The following PPARA variants were observed in gnomAD, a reference collection of about 807,000 sequenced individuals.
PPARA encodes the protein peroxisome proliferator activated receptor alpha.
A neutral mutation model predicts 42.2 loss-of-function variants in PPARA; 22 were observed. That is an observed-to-expected ratio of 0.52 (90% CI 0.37 to 0.74). The LOEUF is 0.74. Among genes scored for constraint, PPARA ranks in the 30% least tolerant of loss-of-function variants. The pLI is 0.00. For missense variants in PPARA, 465 were observed against 608.2 expected, an observed-to-expected ratio of 0.76 and a Z score of 2.48; for synonymous variants, 242 against 239.3, an observed-to-expected ratio of 1.01 and a Z score of -0.10.
rs1390206674 is a variant in PPARA, at chr22:46,222,903, T to C, written c.711+2889T>C. ...AGCTGGGCATGGTGGCATGTGCCTG[T>C]GGTCCCAGGTACTTGGGAAGCTGAG... On this transcript the variant is annotated intron_variant, in intron 7 of 8. Coordinates refer to ENST00000407236, the MANE Select transcript of PPARA (RefSeq NM_005036.6). This position sits in a 1 kb window ranked among gnomAD's most constrained non-coding sequence, Gnocchi z 5.9. Among the ~76,000 whole-genome samples the C allele has an allele frequency of 6.6e-6, 1 of 152,210 alleles. No homozygotes were observed. The highest frequency in any genetic ancestry group is 1.5e-5 in the Non-Finnish European group (1 of 68,030).
chr22:46,227,528 G>A lies in PPARA; in HGVS notation c.712-4264G>A, dbSNP rs150839845. Among the ~76,000 whole-genome samples the A allele has an allele frequency of 6.6e-6, 1 of 152,242 alleles. No individual in the cohort carries two copies. Among genetic ancestry groups the A allele is most frequent in the African/African-American group, 2.4e-5 (1 of 41,550 alleles). ...TGGCCTCCCAAAGTGCTGGCATTGC[G>A]GGCATGAGCTACTGCGCCTGGTCCA... is the stretch of plus-strand genomic sequence containing the variant. On this transcript the variant is annotated intron_variant, in intron 7 of 8. Transcript: ENST00000407236. This position sits in a 1 kb window ranked among gnomAD's most constrained non-coding sequence, Gnocchi z 4.3.
chr22:46,230,193 G>A lies in PPARA; in HGVS notation c.712-1599G>A, dbSNP rs11090817. Among the ~76,000 whole-genome samples the A allele has an allele frequency of 0.087, 13,300 of 152,226 alleles. 1,951 individuals are homozygous for A. Among genetic ancestry groups the A allele is most frequent in the African/African-American group, 0.3 (12,527 of 41,510 alleles). ...GCGACACCAGCCTGACCAACATGGT[G>A]TAACCCCGTCTCTACTAAAAATACA... On this transcript the variant is annotated intron_variant, in intron 7 of 8. Transcript: ENST00000407236. The surrounding 1 kb of genome is among the most constrained non-coding windows in gnomAD (Gnocchi z 5.0).
In PPARA at chr22:46,205,508, C is replaced by T. The variant is rs190225665; in HGVS notation, c.208+6917C>T. Among the ~76,000 whole-genome samples, 411 of 118,716 alleles carry T rather than the reference C, an allele frequency of 3.5e-3. 5 individuals carry two copies. Among genetic ancestry groups the T allele is most frequent in the African/African-American group, 0.012 (380 of 31,180 alleles). 77.9% of individuals were successfully genotyped at this position (118,716 alleles called of 152,430 possible). On this transcript the variant is annotated intron_variant, in intron 4 of 8. Transcript: ENST00000407236. The stretch of plus-strand genomic sequence containing the variant: ...GTGTTGGGATTACAGGCGTGAGCCA[C>T]CATGCCCAGCCATATATATATATAT...
Position 46,187,306 on chromosome 22 carries a change from A to G in PPARA, c.-43+10470A>G, listed in dbSNP as rs991995712. Among the ~76,000 whole-genome samples, 3 of 152,196 alleles carry G rather than the reference A, an allele frequency of 2.0e-5. No homozygotes were observed. The highest frequency in any genetic ancestry group is 4.4e-5 in the Non-Finnish European group (3 of 68,032). ...CTCATGCCTGTAATCCCTTCTCTCC[A>G]TGCTCAAAACCTGCCCTCCTTGTCT... On this transcript the variant is annotated intron_variant, in intron 3 of 8. Coordinates refer to ENST00000407236, the MANE Select transcript of PPARA (RefSeq NM_005036.6). The surrounding 1 kb of genome is among the most constrained non-coding windows in gnomAD (Gnocchi z 4.9).
At chr22:46,185,321 C>G (rs2147284754) in intron 3 of PPARA, among the ~76,000 whole-genome samples, 1 of 152,316 alleles carries the variant, frequency 6.6e-6, no homozygotes, top group East Asian at 1.9e-4. Context: ...TGATAGCATA[C>G]TCTTCCTTTT....
At chr22:46,189,246 A>G (rs1247118744) in intron 3 of PPARA, among the ~76,000 whole-genome samples, 1 of 152,246 alleles carries the variant, frequency 6.6e-6, no homozygotes, top group Admixed American at 6.5e-5. Context: ...AATAACTACA[A>G]ACTTTCTGAA....
At chr22:46,206,115 T>C (rs1488072647) in intron 4 of PPARA, among the ~76,000 whole-genome samples, 1 of 152,190 alleles carries the variant, frequency 6.6e-6, no homozygotes, top group Non-Finnish European at 1.5e-5. Flanking sequence ...TTTAATTTTG[T>C]TTTTTGAGAC....
chr22:46,214,421 C>A (rs1030159162), intron 4 of PPARA, among the ~76,000 whole-genome samples: 1 of 149,332 alleles, frequency 6.7e-6, no homozygotes, highest in African/African-American at 2.5e-5. Flanking sequence ...ATGTGCGGAT[C>A]GGAGATGTGG....
At position 46,188,352 on chromosome 22, in the gene PPARA, C is replaced by T. The variant is rs1317577229; in HGVS notation, c.-42-9990C>T. ...ATATGCAGATATGCTGTTCCCTTTT[C>T]CTTGAAATGGCCCTTACCCTCCTTT... On this transcript the variant is annotated intron_variant, in intron 3 of 8. Transcript: ENST00000407236. This position sits in a 1 kb window ranked among gnomAD's most constrained non-coding sequence, Gnocchi z 5.0. Among the ~76,000 whole-genome samples, 1 of 152,192 alleles carries T rather than the reference C, an allele frequency of 6.6e-6. No homozygotes were observed. The highest frequency in any genetic ancestry group is 1.5e-5 in the Non-Finnish European group (1 of 68,030).
At chr22:46,202,676 A>G (rs1932900209) in intron 4 of PPARA, among the ~76,000 whole-genome samples, 2 of 151,736 alleles carry the variant, frequency 1.3e-5, no homozygotes, top group South Asian at 2.1e-4. Flanking sequence ...TTTTTTATTT[A>G]TTTTTTGAGA....
Position 46,234,159 on chromosome 22 carries a change from C to G in PPARA, c.1160-974C>G, listed in dbSNP as rs1186229888. On this transcript the variant is annotated intron_variant, in intron 8 of 8. Transcript: ENST00000407236. The surrounding 1 kb of genome is among the most constrained non-coding windows in gnomAD (Gnocchi z 5.8). ...TCTTTAGAGACTTAATAGTTATAGC[C>G]CCAGCCACTCTGGAGGCCGAGGCAG... 1.3e-5 allele frequency among the ~76,000 whole-genome samples: 2 copies of G among 152,014 alleles called. No homozygotes were observed. Among genetic ancestry groups the G allele is most frequent in the Non-Finnish European group, 2.9e-5 (2 of 67,994 alleles).
chr22:46,228,652 C>G (rs1458002379), intron 7 of PPARA, among the ~76,000 whole-genome samples: 1 of 152,324 alleles, frequency 6.6e-6, no homozygotes, highest in East Asian at 1.9e-4. Flanking sequence ...TAAATAACAC[C>G]AAGCATTCTG....
At chr22:46,170,779 C>T (rs922812839) in intron 2 of PPARA, among the ~76,000 whole-genome samples, 1 of 151,728 alleles carries the variant, frequency 6.6e-6, no homozygotes, top group Non-Finnish European at 1.5e-5. Context: ...CTGGAGGGAT[C>T]CTGAGCACTT....
rs1933932679 is a variant in PPARA at position 46,211,512 on chromosome 22, A to C, written c.209-3661A>C. 6.6e-6 allele frequency among the ~76,000 whole-genome samples: 1 copy of C among 152,168 alleles called. No individual in the cohort carries two copies. The highest frequency in any genetic ancestry group is 1.5e-5 in the Non-Finnish European group (1 of 68,032). ...TTTTTCCCCTGAGATTGTTTCCTACATTCGTAGCACAGTTAGATTGTTTTG... is the reference window on the plus strand; with the variant it reads ...TTTTTCCCCTGAGATTGTTTCCTACCTTCGTAGCACAGTTAGATTGTTTTG... On this transcript the variant is annotated intron_variant, in intron 4 of 8. Coordinates refer to ENST00000407236, the MANE Select transcript of PPARA (RefSeq NM_005036.6). This position sits in a 1 kb window ranked among gnomAD's most constrained non-coding sequence, Gnocchi z 4.1.
rs34052175 is a variant in PPARA at position 46,207,644 on chromosome 22, T to TTTATTA, written c.209-7499_209-7494dup. 1.3e-3 allele frequency among the ~76,000 whole-genome samples: 119 copies of TTTATTA among 91,748 alleles called. 1 individual carries two copies. Among genetic ancestry groups the TTTATTA allele is most frequent in the East Asian group, 3.7e-3 (12 of 3,264 alleles). 60.2% of individuals were successfully genotyped at this position (91,748 alleles called of 152,430 possible). A position where few individuals can be genotyped will look rare whatever the true frequency, so the allele number is the denominator to read the frequency against. On this transcript the variant is annotated intron_variant, in intron 4 of 8. Transcript: ENST00000407236. ...TATCTTCTTGTTTTTAATTAATTAA[T>TTTATTA]TTATTATTATTATTATTATTATTAT...
At chr22:46,186,414 G>T (rs1021739998) in intron 3 of PPARA, among the ~76,000 whole-genome samples, 2 of 152,100 alleles carry the variant, frequency 1.3e-5, no homozygotes, top group African/African-American at 4.8e-5. Context: ...GTTATAGTTT[G>T]GGAAGACCAG....
Position 46,225,110 on chromosome 22 carries a change from A to G in PPARA, c.711+5096A>G, listed in dbSNP as rs1935311570. On this transcript the variant is annotated intron_variant, in intron 7 of 8. Transcript: ENST00000407236. This position sits in a 1 kb window ranked among gnomAD's most constrained non-coding sequence, Gnocchi z 4.1. Reference sequence around the variant, plus strand: ...GAGGCCGCTGCATGGAGCCGCATAGATGCCATTGCTTGAGGAAAGGTGGGC... The same window carrying G: ...GAGGCCGCTGCATGGAGCCGCATAGGTGCCATTGCTTGAGGAAAGGTGGGC... Among the ~76,000 whole-genome samples, 1 of 152,100 alleles carries G rather than the reference A, an allele frequency of 6.6e-6. No individual in the cohort carries two copies.
At chr22:46,169,003 C>T (rs146504769) in intron 2 of PPARA, among the ~76,000 whole-genome samples, 42 of 151,876 alleles carry the variant, frequency 2.8e-4, no homozygotes, top group Non-Finnish European at 3.5e-4. Flanking sequence ...TAAAAAGATG[C>T]GCCAGTGGTT....
Position 46,198,516 on chromosome 22 carries a change from A to G in PPARA, c.133A>G (p.Ser45Gly). The change falls in exon 4 of 9, where the codon AGT becomes GGT. Residue 45 changes from serine (S) to glycine (G), a missense_variant. Transcript: ENST00000407236. ...QEISQSIGEDSSGSFGFTEYQ... is the reference protein window; with the variant it reads ...QEISQSIGEDGSGSFGFTEYQ... Reference sequence around the variant, plus strand: ...GATTTCGCAATCCATCGGCGAGGATAGTTCTGGAAGCTTTGGCTTTACGGA... The same window carrying G: ...GATTTCGCAATCCATCGGCGAGGATGGTTCTGGAAGCTTTGGCTTTACGGA... 1 of 1,614,112 alleles carries G rather than the reference A, an allele frequency of 6.2e-7. No homozygotes were observed.
Sources: gnomAD v4.1 joint callset for allele counts (sites outside exome capture counted in the v4.1 genomes callset) on GRCh38, gnomAD v4.1.1 for gene constraint, Gnocchi (gnomAD v3.1) non-coding constraint, MANE v1.5 for transcripts, NCBI Gene and HGNC (gene_info 2026-07-23, HGNC 2026-07-21) for gene names.